Variants in NLRP2 observed in about 807,000 individuals in gnomAD.
NLRP2 encodes the protein NLR family pyrin domain containing 2.
In NLRP2, 107 loss-of-function variants were observed where a neutral mutation model predicts 97.2. The observed-to-expected ratio is 1.10, with a 90% confidence interval of 0.94 to 1.29. The LOEUF (loss-of-function observed/expected upper bound fraction) is 1.29, where lower values mean the gene tolerates loss of function less well. NLRP2 is among the 50% of genes most tolerant of loss of function. NLRP2 has a pLI of 0.00. For missense variants in NLRP2, 1,495 were observed against 1,330.3 expected (o/e 1.12, Z -1.93); for synonymous variants, 663 against 551.5 (o/e 1.20, Z -2.83).
intron 10 of NLRP2, 69 bp downstream of exon 10, chr19:54,990,741 A>T: frequency 6.5e-7 from 1 of 1,535,318 alleles, no homozygotes; most frequent in South Asian, 1.1e-5. Context: ...GGGTTTGAGT[A>T]GGGTGGTTAT....
chr19:54,997,627 A>C (rs537276347), intron 12 of NLRP2, 140 bp downstream of exon 12: 118 of 906,592 alleles, frequency 1.3e-4, no homozygotes, highest in Non-Finnish European at 1.9e-4. Context: ...CAATTTCTGT[A>C]TTTCACTTGG....
At chr19:54,995,299 T>A (rs2072748822) in intron 11 of NLRP2, among the ~76,000 whole-genome samples, 1 of 148,142 alleles carries the variant, frequency 6.8e-6, no homozygotes, top group South Asian at 2.2e-4. Context: ...CAAGTGATTC[T>A]CCTGCCTTAG....
At chr19:54,977,871 G>A (rs758171809) in intron 4 of NLRP2, 48 bp downstream of exon 4, 10 of 1,538,056 alleles carry the variant, frequency 6.5e-6, no homozygotes, top group Middle Eastern at 1.7e-4. Flanking sequence ...GAAGCCCCCC[G>A]TTCTTGCTGC....
intron 1 of NLRP2, among the ~76,000 whole-genome samples, chr19:54,969,307 C>A (rs1055537622): frequency 6.6e-6 from 1 of 151,210 alleles, no homozygotes; most frequent in African/African-American, 2.4e-5. Context: ...AACCCCCCAT[C>A]TCTACTAAAA....
chr19:54,997,239 A>G lies in NLRP2; in HGVS notation c.2880-78A>G. 2.1e-6 allele frequency: 3 copies of G among 1,453,260 alleles called. No individual in the cohort carries two copies. The Admixed American group carries it at 5.0e-5, about 24-fold the overall frequency. The allele number at this position is 1,453,260 out of a possible 1,614,324, so 90.0% of individuals were successfully genotyped here. ...TGTTGGTCATGCAGATCCCCAACAC[A>G]CGAGGGTGGGCTTGGCTTGCCGGAG... On this transcript the variant is annotated intron_variant, in intron 11 of 12. Coordinates refer to ENST00000448584, the MANE Select transcript of NLRP2 (RefSeq NM_017852.5).
intron 8 of NLRP2, among the ~76,000 whole-genome samples, chr19:54,988,569 A>G (rs1207333300): frequency 6.6e-6 from 1 of 151,990 alleles, no homozygotes. Context: ...TTTTTGGTAT[A>G]TTTAGTAGAG....
rs74332904 is a variant in NLRP2, at chr19:54,995,795, A to T, written c.2879+1356A>T. Among the ~76,000 whole-genome samples, 9 of 152,144 alleles carry T rather than the reference A, an allele frequency of 5.9e-5. No individual in the cohort carries two copies. The East Asian group carries it at 1.6e-3, about 26-fold the overall frequency. On this transcript the variant is annotated intron_variant, in intron 11 of 12. Transcript: ENST00000448584. ...GGTGGCTCATGCCTGTAATCCTGGC[A>T]TTTTGGGAGTCCAAGGCAGGTAGAT...
chr19:54,995,171 A>T (rs11881518), intron 11 of NLRP2, among the ~76,000 whole-genome samples: 1 of 135,346 alleles, frequency 7.4e-6, no homozygotes, highest in African/African-American at 2.7e-5. Context: ...TTAGCCGAGC[A>T]TAGTAGTGGG....
chr19:54,995,335 G>A lies in NLRP2; in HGVS notation c.2879+896G>A, dbSNP rs368976257. Among the ~76,000 whole-genome samples, 46 of 149,932 alleles carry A rather than the reference G, an allele frequency of 3.1e-4. 1 individual carries two copies. The highest frequency in any genetic ancestry group is 1.1e-3 in the African/African-American group (43 of 40,950). ...CCTCCCACATAGCTGCAAATAAACA[G>A]GCATGTGCCACCATGCCTGGCTAAT... On this transcript the variant is annotated intron_variant, in intron 11 of 12. Transcript: ENST00000448584.
intron 10 of NLRP2, among the ~76,000 whole-genome samples, chr19:54,992,807 C>T (rs979768886): frequency 2.6e-5 from 4 of 152,112 alleles, no homozygotes; most frequent in Middle Eastern, 3.4e-3. Flanking sequence ...GATCCACCCA[C>T]CTCAGCCTCC....
rs2072696805 is a variant in NLRP2, at chr19:54,994,499, G to A, written c.2879+60G>A. ...ACACCTTACTGAATCTGTGGCTAGT[G>A]TAAAATAATCAGTGAAGCCGACTTC... On this transcript the variant is annotated intron_variant, in intron 11 of 12. Transcript: ENST00000448584. The A allele has an allele frequency of 1.5e-5, 24 of 1,579,534 alleles. No individual in the cohort carries two copies. The Admixed American group carries it at 1.8e-4, about 12-fold the overall frequency.
Position 54,970,312 on chromosome 19 carries a change from C to T in NLRP2, c.280+17C>T, listed in dbSNP as rs1198237421. The stretch of plus-strand genomic sequence containing the variant: ...AAGTCAGAGGTGAGTGGAAATCGGT[C>T]CACACTGTGTCCTAGGAGGAAGCAG... On this transcript the variant is annotated intron_variant, in intron 2 of 12. Transcript: ENST00000448584. 2 of 1,613,750 alleles carry T rather than the reference C, an allele frequency of 1.2e-6. No individual in the cohort carries two copies. The highest frequency in any genetic ancestry group is 2.7e-5 in the African/African-American group (2 of 74,892).
At chr19:54,990,783 C>T (rs2072424528) in intron 10 of NLRP2, 111 bp downstream of exon 10, 1 of 1,147,514 alleles carries the variant, frequency 8.7e-7, no homozygotes, top group African/African-American at 1.5e-5. Context: ...AAGTTCCAAG[C>T]ATGATGCTAA....
Position 54,996,037 on chromosome 19 carries a change from C to CAAAAAAAAAAAAA in NLRP2, c.2880-1276_2880-1264dup, listed in dbSNP as rs544759995. On this transcript the variant is annotated intron_variant, in intron 11 of 12. Transcript: ENST00000448584. ...CCTGGGTGACAGTGAGATCCTGTCT[C>CAAAAAAAAAAAAA]AAAAAAAAAAAAAAAACAAAAAAAA... Among the ~76,000 whole-genome samples the CAAAAAAAAAAAAA allele has an allele frequency of 2.3e-3, 165 of 73,314 alleles. 1 individual carries two copies. Among genetic ancestry groups the CAAAAAAAAAAAAA allele is most frequent in the African/African-American group, 8.7e-3 (157 of 18,044 alleles). The allele number at this position is 73,314 out of a possible 152,430, so 48.1% of individuals were successfully genotyped here.
In NLRP2 at chr19:54,985,208, A is replaced by G. The variant is rs763700471; in HGVS notation, c.2192A>G (p.Gln731Arg). 8.1e-6 allele frequency: 13 copies of G among 1,613,802 alleles called. No individual in the cohort carries two copies. The highest frequency in any genetic ancestry group is 1.0e-5 in the Non-Finnish European group (12 of 1,179,920). The change falls in exon 7 of 13, where the codon CAG becomes CGG. Residue 731 changes from glutamine to arginine, a missense_variant. Transcript: ENST00000448584. The part of the protein sequence containing the change: ...EQIASDTCHL[Q>R]RVVFKNISPA... ...ATAGCCTCTGACACCTGTCATCTCC[A>G]GAGAGTGGTGTAAGTAGAAACTAAT...
chr19:54,968,260 T>C (rs934613069), intron 1 of NLRP2, among the ~76,000 whole-genome samples: 4 of 151,824 alleles, frequency 2.6e-5, no homozygotes, highest in African/African-American at 9.7e-5. Context: ...GTTGCCAGGC[T>C]GGTCTGGAAC....
Position 54,982,965 on chromosome 19 carries a change from C to T in NLRP2, c.1267C>T (p.Leu423Phe). 6.2e-7 allele frequency: 1 copy of T among 1,611,832 alleles called. No homozygotes were observed. Among genetic ancestry groups the T allele is most frequent in the Non-Finnish European group, 8.5e-7 (1 of 1,179,796 alleles). Residue 423 changes from leucine to phenylalanine, a missense_variant, in exon 6 of 13, where the codon CTC (leucine) becomes TTC (phenylalanine). Coordinates refer to ENST00000448584, the MANE Select transcript of NLRP2 (RefSeq NM_017852.5). The stretch of plus-strand genomic sequence containing the variant: ...GGGGGAGGACCCGGTCCCCACCTGC[C>T]TCACCCGCACGGGGCTGTTCCTGCG... ...EKGEDPVPTC[L>F]TRTGLFLRFL...
chr19:54,986,544 A>C, intron 8 of NLRP2: 1 of 574,410 alleles, frequency 1.7e-6, no homozygotes, highest in Non-Finnish European at 3.1e-6. Context: ...AAACTCCCAG[A>C]ATCTTTATCA....
Position 54,983,350 on chromosome 19 carries a change from T to G in NLRP2, c.1652T>G (p.Ile551Ser). ...GAAAGACTCAGGAACCCCGACCTGA[T>G]CCAAGCAGGCTACTACTCCTTTGGC... ...GVERLRNPDLIQAGYYSFGLA... is the reference protein window; with the variant it reads ...GVERLRNPDLSQAGYYSFGLA... Residue 551 changes from isoleucine to serine, a missense_variant, in exon 6 of 13, where the codon ATC becomes AGC. Physicochemically the swap from Ile to Ser is moderately radical, Grantham distance 142. Coordinates refer to ENST00000448584, the MANE Select transcript of NLRP2 (RefSeq NM_017852.5). 2 of 1,614,160 alleles carry G rather than the reference T, an allele frequency of 1.2e-6. No homozygotes were observed. The highest frequency in any genetic ancestry group is 1.7e-6 in the Non-Finnish European group (2 of 1,180,034).
Sources: gnomAD v4.1 joint callset for allele counts (sites outside exome capture counted in the v4.1 genomes callset) on GRCh38, gnomAD v4.1.1 for gene constraint, MANE v1.5 for transcripts, NCBI Gene and HGNC (gene_info 2026-07-23, HGNC 2026-07-21) for gene names.